Variants in HSF2BP observed in about 807,000 individuals in gnomAD.
HSF2BP encodes the protein heat shock transcription factor 2 binding protein, also known as heat shock factor 2-binding protein.
Under a neutral mutation model 35.0 loss-of-function variants are expected in HSF2BP, and 35 were observed. The observed-to-expected ratio is 1.00, with a 90% confidence interval of 0.76 to 1.32. The LOEUF (loss-of-function observed/expected upper bound fraction) is 1.32. Ranked by LOEUF, HSF2BP falls within the 40% of genes most tolerant of loss-of-function variation. HSF2BP has a pLI of 0.00. For missense variants in HSF2BP, 326 were observed against 321.7 expected, an observed-to-expected ratio of 1.01 and a Z score of -0.10; for synonymous variants, 114 against 117.4, an observed-to-expected ratio of 0.97 and a Z score of 0.18.
At chr21:43,577,264 T>C (rs1221987231) in intron 8 of HSF2BP, among the ~76,000 whole-genome samples, 3 of 152,234 alleles carry the variant, frequency 2.0e-5, no homozygotes, top group Non-Finnish European at 2.9e-5. Context: ...CCTCCAATTA[T>C]CACGCCTTCT....
intron 5 of HSF2BP, among the ~76,000 whole-genome samples, chr21:43,631,983 C>A (rs77207034): frequency 1.5e-4 from 14 of 93,370 alleles, no homozygotes; most frequent in South Asian, 3.8e-4. Context: ...CACACGCTCC[C>A]CACACACACA....
At chr21:43,654,231 A>T (rs2082835424) in intron 3 of HSF2BP, among the ~76,000 whole-genome samples, 1 of 152,236 alleles carries the variant, frequency 6.6e-6, no homozygotes, top group Non-Finnish European at 1.5e-5. Context: ...AGACTCGCAC[A>T]AATTTTGTTC....
At chr21:43,584,695 T>A (rs1179623202) in intron 8 of HSF2BP, among the ~76,000 whole-genome samples, 3 of 152,134 alleles carry the variant, frequency 2.0e-5, no homozygotes, top group South Asian at 4.1e-4. Context: ...CAGAAGAGAT[T>A]TTCCCCCCAC....
chr21:43,591,088 T>C (rs1042488499), intron 8 of HSF2BP, among the ~76,000 whole-genome samples: 1 of 152,130 alleles, frequency 6.6e-6, no homozygotes, highest in Non-Finnish European at 1.5e-5. Context: ...TTAATTTGAA[T>C]CATAAAAAAA....
intron 6 of HSF2BP, among the ~76,000 whole-genome samples, chr21:43,620,749 A>T (rs1186000990): frequency 6.6e-6 from 1 of 151,988 alleles, no homozygotes; most frequent in East Asian, 1.9e-4. Context: ...CACCATCATC[A>T]TCACCATCAA....
intron 8 of HSF2BP, among the ~76,000 whole-genome samples, chr21:43,582,604 C>T (rs1428936832): frequency 2.4e-5 from 1 of 42,332 alleles, no homozygotes; most frequent in Non-Finnish European, 4.4e-5. Flanking sequence ...GAGATGAAGG[C>T]CTGCTGAGGG....
chr21:43,636,894 CAAA>C lies in HSF2BP; in HGVS notation c.292-3476_292-3474del, dbSNP rs34578952. Among the ~76,000 whole-genome samples the C allele has an allele frequency of 7.7e-3, 859 of 112,054 alleles. 7 individuals carry two copies. Among genetic ancestry groups the C allele is most frequent in the African/African-American group, 0.023 (715 of 30,802 alleles). The allele number at this position is 112,054 out of a possible 152,430, so 73.5% of individuals were successfully genotyped here. A position where few individuals can be genotyped will look rare whatever the true frequency, so the allele number is the denominator to read the frequency against. On this transcript the variant is annotated intron_variant, in intron 4 of 8. Coordinates refer to ENST00000291560, the MANE Select transcript of HSF2BP (RefSeq NM_007031.2). Reference sequence around the variant, plus strand: ...GCGAGAGCGAAACCCCGTCTCAAAACAAAAAAAAAAAAAAAAAAAAGAAATAAA... The same window carrying C: ...GCGAGAGCGAAACCCCGTCTCAAAACAAAAAAAAAAAAAAAAAGAAATAAA...
rs756859420 is a variant in HSF2BP at position 43,656,567 on chromosome 21, TGCTG to T, written c.187+16_187+19del. ...ACAAATTACTGTTACCACCAATGACTGCTGAAAATGAAGACTCACTTTTTTCTAC... is the reference window on the plus strand; with the variant it reads ...ACAAATTACTGTTACCACCAATGACTAAAATGAAGACTCACTTTTTTCTAC... On this transcript the variant is annotated intron_variant, in intron 3 of 8. Transcript: ENST00000291560. The T allele has an allele frequency of 6.2e-7, 1 of 1,601,868 alleles. No homozygotes were observed. The highest frequency in any genetic ancestry group is 1.7e-4 in the Middle Eastern group (1 of 6,024).
chr21:43,637,026 C>T lies in HSF2BP; in HGVS notation c.292-3605G>A, dbSNP rs558438695. Among the ~76,000 whole-genome samples, 236 of 152,004 alleles carry T rather than the reference C, an allele frequency of 1.6e-3. 2 individuals carry two copies. The highest frequency in any genetic ancestry group is 5.4e-3 in the African/African-American group (224 of 41,456). ...GGAACAGGACGAGCGAAGTGGCTCACGCCTATAATCCCAGCACTTTGGAAG... is the reference window on the plus strand; with the variant it reads ...GGAACAGGACGAGCGAAGTGGCTCATGCCTATAATCCCAGCACTTTGGAAG... On this transcript the variant is annotated intron_variant, in intron 4 of 8. Transcript: ENST00000291560.
chr21:43,658,045 G>C lies in HSF2BP; in HGVS notation c.36+16C>G, dbSNP rs943756621. ...GGTTCAAACACGCTGGCGTCGGCCA[G>C]GGCTTCCTCACTAACCCGGCAGGCC... is the stretch of plus-strand genomic sequence containing the variant. On this transcript the variant is annotated intron_variant, in intron 2 of 8. Coordinates refer to ENST00000291560, the MANE Select transcript of HSF2BP (RefSeq NM_007031.2). 7 of 1,535,870 alleles carry C rather than the reference G, an allele frequency of 4.6e-6. No homozygotes were observed. The highest frequency in any genetic ancestry group is 6.1e-6 in the Non-Finnish European group (7 of 1,146,312).
At chr21:43,636,718 C>T (rs951592667) in intron 4 of HSF2BP, among the ~76,000 whole-genome samples, 1 of 151,626 alleles carries the variant, frequency 6.6e-6, no homozygotes, top group African/African-American at 2.4e-5. Context: ...ATGGTGAAAC[C>T]CTGTCTCTAA....
chr21:43,621,730 C>T (rs1223884447), intron 6 of HSF2BP, among the ~76,000 whole-genome samples: 1 of 151,800 alleles, frequency 6.6e-6, no homozygotes, highest in Non-Finnish European at 1.5e-5. Flanking sequence ...AGAAGAAATG[C>T]TAAAGGAAGT....
intron 6 of HSF2BP, among the ~76,000 whole-genome samples, chr21:43,628,739 C>T (rs182872807): frequency 4.7e-4 from 71 of 152,314 alleles, no homozygotes; most frequent in Admixed American, 9.8e-4. Context: ...AAAGTCAATG[C>T]CTGGCTTCAA....
chr21:43,627,881 T>C (rs569096647), intron 6 of HSF2BP, among the ~76,000 whole-genome samples: 2 of 152,238 alleles, frequency 1.3e-5, no homozygotes, highest in Non-Finnish European at 2.9e-5. Flanking sequence ...ATTCTTGCAA[T>C]AGTTGAAACT....
rs1243995900 is a variant in HSF2BP at position 43,642,904 on chromosome 21, A to G, written c.291+1385T>C. ...AACCTCCACCTCCCAGGTTCAAGCA[A>G]TTCTCCTGCCTCAGCCAGGCTGGTC... On this transcript the variant is annotated intron_variant, in intron 4 of 8. Coordinates refer to ENST00000291560, the MANE Select transcript of HSF2BP (RefSeq NM_007031.2). 4.7e-5 allele frequency among the ~76,000 whole-genome samples: 7 copies of G among 149,168 alleles called. No individual in the cohort carries two copies. The Admixed American group carries it at 4.8e-4, about 10-fold the overall frequency.
intron 6 of HSF2BP, among the ~76,000 whole-genome samples, chr21:43,626,931 G>A (rs1053882457): frequency 1.3e-4 from 19 of 151,190 alleles, no homozygotes; most frequent in Non-Finnish European, 2.4e-4. Context: ...GTAGTGGCAC[G>A]ATCTCAGCTC....
At chr21:43,587,490 A>G (rs2081867165) in intron 8 of HSF2BP, among the ~76,000 whole-genome samples, 1 of 151,994 alleles carries the variant, frequency 6.6e-6, no homozygotes, top group Non-Finnish European at 1.5e-5. Flanking sequence ...ACATGGAGAA[A>G]CCGCATCTCT....
At chr21:43,571,933 T>C (rs1266191797) in intron 8 of HSF2BP, among the ~76,000 whole-genome samples, 3 of 151,570 alleles carry the variant, frequency 2.0e-5, no homozygotes, top group African/African-American at 7.3e-5. Context: ...GAGAGAGGGC[T>C]GAATCAGAGC....
intron 6 of HSF2BP, among the ~76,000 whole-genome samples, chr21:43,627,950 A>G (rs544989458): frequency 1.3e-3 from 195 of 152,264 alleles, no homozygotes; most frequent in African/African-American, 4.4e-3. Flanking sequence ...TGATGTTACC[A>G]CTGTAATTGT....
Sources: gnomAD v4.1 joint callset for allele counts (sites outside exome capture counted in the v4.1 genomes callset) on GRCh38, gnomAD v4.1.1 for gene constraint, MANE v1.5 for transcripts, NCBI Gene and HGNC (gene_info 2026-07-23, HGNC 2026-07-21) for gene names.